Variants in NTMT2 observed in about 807,000 individuals in gnomAD.
The protein encoded by NTMT2 is X-Pro-Lys N-terminal protein methyltransferase 1B.
NTMT2 carries 21 observed loss-of-function variants against 23.4 expected under a neutral mutation model. The observed-to-expected ratio is 0.90, with a 90% CI of 0.64 to 1.29. The LOEUF (loss-of-function observed/expected upper bound fraction) is 1.29, where lower values mean the gene tolerates loss of function less well. NTMT2 is among the 50% of genes most tolerant of loss of function. The probability of loss-of-function intolerance (pLI) is 0.00; values close to 1 mark genes in which losing one functional copy is unlikely to be tolerated. For missense variants in NTMT2, 336 were observed against 352.0 expected, an observed-to-expected ratio of 0.95 and a Z score of 0.36; for synonymous variants, 131 against 127.7, an observed-to-expected ratio of 1.03 and a Z score of -0.17.
chr1:170,161,215 C>T (rs912145321), intron 2 of NTMT2, among the ~76,000 whole-genome samples: 1 of 151,316 alleles, frequency 6.6e-6, no homozygotes, highest in African/African-American at 2.4e-5. Flanking sequence ...AGGAGAATGG[C>T]GTGAACCTGG....
Position 170,166,743 on chromosome 1 carries a change from G to C in NTMT2, c.572G>C (p.Trp191Ser), listed in dbSNP as rs922172760. 6.2e-5 allele frequency: 96 copies of C among 1,552,172 alleles called. No homozygotes were observed. The highest frequency in any genetic ancestry group is 6.4e-5 in the Non-Finnish European group (73 of 1,147,136). ...AGATATGATGTCATCTGGATTCAGT[G>C]GGTCTCTGGTTAGTCCTGCATGACT... Reference protein sequence around the residue: ...FRRYDVIWIQWVSGHLTDKDL... With the variant: ...FRRYDVIWIQSVSGHLTDKDL... Residue 191 changes from tryptophan (W) to serine (S), a missense_variant, in exon 3 of 4, where the codon TGG becomes TCG. Transcript: ENST00000439373.
intron 2 of NTMT2, among the ~76,000 whole-genome samples, chr1:170,161,238 G>T (rs1399124669): frequency 1.3e-5 from 2 of 151,632 alleles, no homozygotes; most frequent in African/African-American, 2.4e-5. Flanking sequence ...GGCAGAGCTT[G>T]CAGTGAGCCG....
At chr1:170,150,782 G>C (rs1218835058) in intron 1 of NTMT2, among the ~76,000 whole-genome samples, 1 of 152,116 alleles carries the variant, frequency 6.6e-6, no homozygotes, top group Non-Finnish European at 1.5e-5. Context: ...GAAGCTTGGT[G>C]TGAACAAATT....
chr1:170,166,506 C>G lies in NTMT2; in HGVS notation c.335C>G (p.Pro112Arg). Residue 112 changes from proline to arginine, a missense_variant, in exon 3 of 4, where the codon CCT becomes CGT. By Grantham distance (103) the Pro-to-Arg change is moderately radical. Transcript: ENST00000439373. ...QKFLRKFVGG[P>R]GRAGTDCALD... ...TATCAAGGTGCCTTTCTGCAGGGGC[C>G]TGGGAGAGCTGGAACAGACTGCGCC... 1 of 1,552,238 alleles carries G rather than the reference C, an allele frequency of 6.4e-7. No individual in the cohort carries two copies. Among genetic ancestry groups the G allele is most frequent in the Non-Finnish European group, 8.7e-7 (1 of 1,147,114 alleles).
chr1:170,165,995 T>C (rs1373134007), intron 2 of NTMT2, among the ~76,000 whole-genome samples: 1 of 152,050 alleles, frequency 6.6e-6, no homozygotes, highest in Non-Finnish European at 1.5e-5. Context: ...TTGATTGTGG[T>C]AGTAGGTGCA....
At chr1:170,148,051 G>C (rs1672999720) in intron 1 of NTMT2, among the ~76,000 whole-genome samples, 1 of 151,358 alleles carries the variant, frequency 6.6e-6, no homozygotes, top group Non-Finnish European at 1.5e-5. Flanking sequence ...GTAAAATACA[G>C]GAAAAAGGGA....
chr1:170,158,110 T>C (rs1442333731), intron 1 of NTMT2: 3 of 152,070 alleles, frequency 2.0e-5, no homozygotes, highest in African/African-American at 7.2e-5. Flanking sequence ...AGAATGAATC[T>C]ATAGGAGGTA....
intron 1 of NTMT2, among the ~76,000 whole-genome samples, chr1:170,148,808 CCAG>C (rs1380851025): frequency 8.5e-5 from 13 of 152,110 alleles, no homozygotes; most frequent in African/African-American, 3.1e-4. Flanking sequence ...AGAGGCTTTG[CCAG>C]CTGGAACATC....
intron 1 of NTMT2, among the ~76,000 whole-genome samples, chr1:170,156,119 T>G (rs529503201): frequency 1.6e-4 from 24 of 152,252 alleles, no homozygotes; most frequent in African/African-American, 5.1e-4. Context: ...TGCTCATTTT[T>G]TTGCTAACCC....
chr1:170,157,070 C>T (rs1046005477), intron 1 of NTMT2, among the ~76,000 whole-genome samples: 3 of 152,012 alleles, frequency 2.0e-5, no homozygotes, highest in Admixed American at 6.6e-5. Flanking sequence ...TCTGAGACAT[C>T]GAAAGAATTT....
At chr1:170,146,378 C>T (rs1055144080) in intron 1 of NTMT2, 117 bp downstream of exon 1, 4 of 952,314 alleles carry the variant, frequency 4.2e-6, no homozygotes, top group Middle Eastern at 2.3e-4. Context: ...AAAAAAAACT[C>T]CACAACCAAT....
intron 1 of NTMT2, among the ~76,000 whole-genome samples, chr1:170,148,743 G>A (rs1245302933): frequency 1.3e-5 from 2 of 152,046 alleles, no homozygotes; most frequent in Admixed American, 6.6e-5. Context: ...ATGCATTATT[G>A]GAGTTGTGGA....
intron 1 of NTMT2, among the ~76,000 whole-genome samples, chr1:170,154,579 C>G (rs992166167): frequency 4.6e-5 from 7 of 152,216 alleles, no homozygotes; most frequent in African/African-American, 1.4e-4. Flanking sequence ...AACCCCTTTC[C>G]TTTGGCCTAT....
At chr1:170,157,037 G>A (rs996840285) in intron 1 of NTMT2, among the ~76,000 whole-genome samples, 1 of 152,142 alleles carries the variant, frequency 6.6e-6, no homozygotes, top group African/African-American at 2.4e-5. Flanking sequence ...CAGCCTGTGA[G>A]CTGTGAGTTC....
chr1:170,146,389 G>T (rs1672965528), intron 1 of NTMT2, 128 bp downstream of exon 1: 1 of 824,020 alleles, frequency 1.2e-6, no homozygotes, highest in Non-Finnish European at 1.9e-6. Context: ...CACAACCAAT[G>T]TCACTGGGCT....
In NTMT2 at chr1:170,160,779, C is replaced by G. The variant is rs1008589674; in HGVS notation, c.330+86C>G. 14 of 1,215,444 alleles carry G rather than the reference C, an allele frequency of 1.2e-5. No homozygotes were observed. The East Asian group carries it at 3.5e-4, about 30-fold the overall frequency. 75.3% of individuals were successfully genotyped at this position (1,215,444 alleles called of 1,614,324 possible). The stretch of plus-strand genomic sequence containing the variant: ...TGCCTCTGTGTTGTTATTTAAGTCA[C>G]GACTAAGCCATATGACCCAGCCAAG... On this transcript the variant is annotated intron_variant, in intron 2 of 3. Coordinates refer to ENST00000439373, the MANE Select transcript of NTMT2 (RefSeq NM_001136107.2).
intron 1 of NTMT2, among the ~76,000 whole-genome samples, chr1:170,154,604 A>G (rs1270410871): frequency 6.6e-6 from 1 of 152,168 alleles, no homozygotes; most frequent in Non-Finnish European, 1.5e-5. Flanking sequence ...CCCTTTTGGA[A>G]TGGGAATGTT....
intron 1 of NTMT2, among the ~76,000 whole-genome samples, chr1:170,146,718 T>G (rs369339765): frequency 6.6e-6 from 1 of 152,330 alleles, no homozygotes; most frequent in South Asian, 2.1e-4. Flanking sequence ...TCTGTGCTTG[T>G]GTACACACTT....
intron 2 of NTMT2, among the ~76,000 whole-genome samples, chr1:170,166,140 C>CTTTTTTTTTTTTTTTTTTTTTTT (rs3040077): frequency 1.5e-5 from 1 of 67,790 alleles, no homozygotes; most frequent in Non-Finnish European, 2.9e-5. Context: ...TTTTTTTTTT[C>CTTTTTTTTTTTTTTTTTTTTTTT]TTTTTTTTTT....
Sources: allele counts gnomAD v4.1 joint callset (sites outside exome capture counted in the v4.1 genomes callset), GRCh38; gene constraint gnomAD v4.1.1; transcripts MANE v1.5; gene names NCBI Gene and HGNC (gene_info 2026-07-23, HGNC 2026-07-21).